C11orf58: variants seen among roughly 807,000 people sequenced by gnomAD.
C11orf58 encodes the protein chromosome 11 open reading frame 58.
Under a neutral mutation model 22.7 loss-of-function variants are expected in C11orf58, and 5 were observed. That is an observed-to-expected ratio of 0.22 (90% CI 0.12 to 0.46). C11orf58 has a LOEUF of 0.46. Among genes scored for constraint, C11orf58 ranks in the 20% least tolerant of loss-of-function variants. The pLI is 0.99. For missense variants in C11orf58, 151 were observed against 223.3 expected (o/e 0.68, Z 2.06); for synonymous variants, 71 against 70.7 (o/e 1.00, Z -0.02).
At chr11:16,739,027 C>T (rs1848420962) in intron 1 of C11orf58, among the ~76,000 whole-genome samples, 186 bp downstream of exon 1, 1 of 151,834 alleles carries the variant, frequency 6.6e-6, no homozygotes, top group Non-Finnish European at 1.5e-5. Flanking sequence ...TTGAAGAGGC[C>T]CACACGCTGA....
At chr11:16,751,664 C>T (rs1044435470) in intron 3 of C11orf58, 1 of 152,164 alleles carries the variant, frequency 6.6e-6, no homozygotes, top group Non-Finnish European at 1.5e-5. Flanking sequence ...ATGTTTCAAA[C>T]ATTAGCAGAG....
Position 16,757,015 on chromosome 11 carries a change from T to TC in C11orf58, c.*1912dup, listed in dbSNP as rs904477109. On this transcript the variant is annotated 3_prime_UTR_variant, in exon 5 of 5. Transcript: ENST00000228136. ...TCTTGCAGTATATTTATTTCATGTA[T>TC]CAGACCCCAAAGTTGTTGCCTTGTT... The TC allele has an allele frequency of 9.9e-5, 15 of 152,120 alleles. No individual in the cohort carries two copies. Among genetic ancestry groups the TC allele is most frequent in the African/African-American group, 3.6e-4 (15 of 41,430 alleles). 9.4% of individuals were successfully genotyped at this position (152,120 alleles called of 1,614,324 possible).
chr11:16,756,329 G>GCGC lies in C11orf58; in HGVS notation c.*1226_*1228dup, dbSNP rs1372813690. ...CTGTCGCCCAGGCTGGAGTGCAGTG[G>GCGC]CGCGATCTCAGCTAACTGCAACCTC... On this transcript the variant is annotated 3_prime_UTR_variant, in exon 5 of 5. Transcript: ENST00000228136. 1 of 148,342 alleles carries GCGC rather than the reference G, an allele frequency of 6.7e-6. No individual in the cohort carries two copies. Among genetic ancestry groups the GCGC allele is most frequent in the Non-Finnish European group, 1.5e-5 (1 of 67,528 alleles). 9.2% of individuals were successfully genotyped at this position (148,342 alleles called of 1,614,324 possible).
Position 16,755,057 on chromosome 11 carries a change from G to T in C11orf58, c.505G>T (p.Ala169Ser). 1 of 1,614,106 alleles carries T rather than the reference G, an allele frequency of 6.2e-7. No homozygotes were observed. The highest frequency in any genetic ancestry group is 8.5e-7 in the Non-Finnish European group (1 of 1,180,006). ...EVEDPKNKKD[A>S]KSNYKMMFVK... ...GGAGGATCCCAAAAACAAAAAAGAT[G>T]CAAAAAGCAATTATAAAATGATGTT... is the stretch of plus-strand genomic sequence containing the variant. Residue 169 changes from alanine (A) to serine (S), a missense_variant, in exon 5 of 5, where the codon GCA becomes TCA. Around this residue, in one of 3 missense-constraint regions of C11orf58, gnomAD observed 112 missense variants for 162.6 expected, o/e 0.69. Coordinates refer to ENST00000228136, the MANE Select transcript of C11orf58 (RefSeq NM_014267.6).
intron 3 of C11orf58, chr11:16,749,279 A>G (rs1848512635): frequency 6.6e-6 from 1 of 152,260 alleles, no homozygotes; most frequent in Non-Finnish European, 1.5e-5. Context: ...TAAGTTATTT[A>G]AATTATGCTA....
At position 16,754,982 on chromosome 11, in the gene C11orf58, AAAG is replaced by A. The variant is rs1422584737; in HGVS notation, c.436_438del (p.Glu146del). 6.2e-7 allele frequency: 1 copy of A among 1,614,060 alleles called. No individual in the cohort carries two copies. Among genetic ancestry groups the A allele is most frequent in the African/African-American group, 1.3e-5 (1 of 74,920 alleles). On this transcript the variant is annotated inframe_deletion, in exon 5 of 5. Transcript: ENST00000228136. Reference sequence around the variant, plus strand: ...TTCTGAAAGCGATTCAGAGTCAGAGAAAGAAGAATCTGCTGAAGAACTCCAAGC... The same window carrying A: ...TTCTGAAAGCGATTCAGAGTCAGAGAAAGAATCTGCTGAAGAACTCCAAGC...
intron 2 of C11orf58, chr11:16,747,829 A>T (rs139724762): frequency 1.7e-4 from 38 of 222,926 alleles, no homozygotes; most frequent in Non-Finnish European, 3.1e-4. Flanking sequence ...TTAAAATTCC[A>T]ACCTGCTCTA....
Position 16,738,688 on chromosome 11 carries a change from C to A in C11orf58, c.-91C>A. ...GGCTCTGCGTTCTGTAGTGGCGCTG[C>A]TTGGGCCCTTGGCGGATTGTAAGCT... is the stretch of plus-strand genomic sequence containing the variant. On this transcript the variant is annotated 5_prime_UTR_variant, in exon 1 of 5. Coordinates refer to ENST00000228136, the MANE Select transcript of C11orf58 (RefSeq NM_014267.6). 2 of 1,420,204 alleles carry A rather than the reference C, an allele frequency of 1.4e-6. No individual in the cohort carries two copies. The highest frequency in any genetic ancestry group is 2.0e-6 in the Non-Finnish European group (2 of 1,006,618). 88.0% of individuals were successfully genotyped at this position (1,420,204 alleles called of 1,614,324 possible). A position where few individuals can be genotyped will look rare whatever the true frequency, so the allele number is the denominator to read the frequency against.
At position 16,755,184 on chromosome 11, in the gene C11orf58, A is replaced by G; in HGVS notation, c.*80A>G. 1 of 1,451,036 alleles carries G rather than the reference A, an allele frequency of 6.9e-7. No homozygotes were observed. Among genetic ancestry groups the G allele is most frequent in the African/African-American group, 1.4e-5 (1 of 70,218 alleles). 89.9% of individuals were successfully genotyped at this position (1,451,036 alleles called of 1,614,324 possible). A position where few individuals can be genotyped will look rare whatever the true frequency, so the allele number is the denominator to read the frequency against. On this transcript the variant is annotated 3_prime_UTR_variant, in exon 5 of 5. Transcript: ENST00000228136. ...GTGGAGGACTGCTTATAGAGCACAG[A>G]CCTTTGTATTATAATTTTTAAAAAG... is the stretch of plus-strand genomic sequence containing the variant.
chr11:16,755,113 C>A lies in C11orf58; in HGVS notation c.*9C>A. ...AATCCAGTGGTTCATAACTCCCAAA[C>A]GCTTAGTCTTTGTATTAAAAGTAAG... On this transcript the variant is annotated 3_prime_UTR_variant, in exon 5 of 5. Coordinates refer to ENST00000228136, the MANE Select transcript of C11orf58 (RefSeq NM_014267.6). 2.5e-6 allele frequency: 4 copies of A among 1,612,808 alleles called. No individual in the cohort carries two copies. The African/African-American group carries it at 4.0e-5, about 16-fold the overall frequency.
intron 4 of C11orf58, among the ~76,000 whole-genome samples, chr11:16,753,522 C>G (rs1848549833): frequency 6.6e-6 from 1 of 152,040 alleles, no homozygotes; most frequent in Admixed American, 6.6e-5. Flanking sequence ...GCCGCCACAC[C>G]AGGCTAATTT....
In C11orf58 at chr11:16,738,667, C is replaced by G; in HGVS notation, c.-112C>G. 8.1e-7 allele frequency: 1 copy of G among 1,230,762 alleles called. No individual in the cohort carries two copies. Among genetic ancestry groups the G allele is most frequent in the South Asian group, 1.2e-5 (1 of 82,662 alleles). The allele number at this position is 1,230,762 out of a possible 1,614,324, so 76.2% of individuals were successfully genotyped here. ...GTGGCAGAGAAGGCCCGGAGGGGCT[C>G]TGCGTTCTGTAGTGGCGCTGCTTGG... On this transcript the variant is annotated 5_prime_UTR_variant, in exon 1 of 5. Transcript: ENST00000228136.
Position 16,757,865 on chromosome 11 carries a change from T to G in C11orf58, c.*2761T>G, listed in dbSNP as rs1292708597. Among the ~76,000 whole-genome samples the G allele has an allele frequency of 6.6e-6, 1 of 152,206 alleles. No individual in the cohort carries two copies. The highest frequency in any genetic ancestry group is 1.9e-4 in the East Asian group (1 of 5,198). ...CTTCTCTAGTATAATTTTTTAAATC[T>G]GAGAGAATTGAAGGTACAGAAAAAA... On this transcript the variant is annotated 3_prime_UTR_variant, in exon 5 of 5. Transcript: ENST00000228136.
chr11:16,748,057 A>T, intron 2 of C11orf58, 40 bp from the exon 3 acceptor site: 1 of 1,480,956 alleles, frequency 6.8e-7, no homozygotes, highest in Non-Finnish European at 9.4e-7. Context: ...AGGTTAAATT[A>T]GTGGTCTCAA....
At position 16,755,096 on chromosome 11, in the gene C11orf58, G is replaced by A. The variant is rs1257090373; in HGVS notation, c.544G>A (p.Gly182Ser). Reference protein sequence around the residue: ...NYKMMFVKSSGS With the variant: ...NYKMMFVKSSSS ...TAAAATGATGTTTGTTAAATCCAGT[G>A]GTTCATAACTCCCAAACGCTTAGTC... Residue 182 changes from glycine to serine, a missense_variant, in exon 5 of 5, where the codon GGT becomes AGT. By Grantham distance (56) the Gly-to-Ser change is moderately conservative (BLOSUM62 0). Around this residue, in one of 3 missense-constraint regions of C11orf58, gnomAD observed 112 missense variants for 162.6 expected, o/e 0.69. Transcript: ENST00000228136. 6.2e-7 allele frequency: 1 copy of A among 1,613,630 alleles called. No homozygotes were observed. Among genetic ancestry groups the A allele is most frequent in the Non-Finnish European group, 8.5e-7 (1 of 1,179,938 alleles).
At chr11:16,749,877 A>G (rs1848518463) in intron 3 of C11orf58, 1 of 152,268 alleles carries the variant, frequency 6.6e-6, no homozygotes, top group African/African-American at 2.4e-5. Context: ...AGCTGCATCT[A>G]GTGGCAGGTT....
At chr11:16,754,757 G>A in intron 4 of C11orf58, 114 bp from the exon 5 acceptor site, 1 of 1,496,912 alleles carries the variant, frequency 6.7e-7, no homozygotes, top group Non-Finnish European at 9.0e-7. Flanking sequence ...TAAAGCTGTT[G>A]TTCTAATGGC....
At chr11:16,746,813 T>G (rs1245139416) in intron 2 of C11orf58, 1 of 152,162 alleles carries the variant, frequency 6.6e-6, no homozygotes, top group African/African-American at 2.4e-5. Context: ...CCACCATGAC[T>G]GGCTAATTTT....
intron 1 of C11orf58, among the ~76,000 whole-genome samples, chr11:16,742,799 T>C (rs906632847): frequency 1.3e-5 from 2 of 152,142 alleles, no homozygotes; most frequent in Non-Finnish European, 2.9e-5. Flanking sequence ...TTTATATTCT[T>C]TGTTTTCCTG....
Sources: gnomAD v4.1 joint callset for allele counts (sites outside exome capture counted in the v4.1 genomes callset) on GRCh38, gnomAD v4.1.1 for gene constraint, gnomAD v4.1.1 regional missense constraint, MANE v1.5 for transcripts, NCBI Gene and HGNC (gene_info 2026-07-23, HGNC 2026-07-21) for gene names.